The following CD96 variants were observed in gnomAD, a reference collection of about 807,000 sequenced individuals.
CD96 encodes CD96 molecule, also known as T-cell surface protein tactile.
A neutral mutation model predicts 71.3 loss-of-function variants in CD96; 70 were observed. The observed-to-expected ratio is 0.98, with a 90% CI of 0.81 to 1.20. CD96 has a LOEUF of 1.20. Among genes scored for constraint, CD96 ranks in the 50% most tolerant of loss-of-function variants. The pLI, the probability that CD96 is intolerant of heterozygous loss-of-function variation, is 0.00. For synonymous variants in CD96, 248 were observed against 233.0 expected (o/e 1.06, Z -0.59); for missense variants, 742 against 677.5 (o/e 1.10, Z -1.06).
intron 14 of CD96, among the ~76,000 whole-genome samples, chr3:111,662,330 G>A (rs1940378728): frequency 1.3e-5 from 2 of 152,218 alleles, no homozygotes; most frequent in Admixed American, 6.5e-5. Flanking sequence ...ATGCCTTGGA[G>A]GCATTTTCCC....
intron 2 of CD96, among the ~76,000 whole-genome samples, chr3:111,561,865 C>G (rs62273558): frequency 1.4e-5 from 2 of 146,710 alleles, no homozygotes. Flanking sequence ...AGCGAGATTC[C>G]GTGGGCGTAG....
At position 111,650,007 on chromosome 3, in the gene CD96, A is replaced by T. The variant is rs1378441390; in HGVS notation, c.*201A>T. 1.6e-6 allele frequency: 1 copy of T among 611,560 alleles called. No individual in the cohort carries two copies. Among genetic ancestry groups the T allele is most frequent in the East Asian group, 2.9e-5 (1 of 34,292 alleles). 37.9% of individuals were successfully genotyped at this position (611,560 alleles called of 1,614,324 possible). A position where few individuals can be genotyped will look rare whatever the true frequency, so the allele number is the denominator to read the frequency against. On this transcript the variant is annotated 3_prime_UTR_variant, in exon 14 of 14. Transcript: ENST00000352690. The stretch of plus-strand genomic sequence containing the variant: ...GAAGCTTAACCAAGAGTGAGAGGAT[A>T]TGTCATGTTCACACTCAATGCAATT...
chr3:111,570,725 G>C, intron 3 of CD96: 3 of 1,613,012 alleles, frequency 1.9e-6, no homozygotes, highest in Admixed American at 3.3e-5. Context: ...AGATGGGGTT[G>C]ATCTTGTCCA....
intron 2 of CD96, among the ~76,000 whole-genome samples, chr3:111,547,055 T>G (rs1470461611): frequency 6.6e-6 from 1 of 152,110 alleles, no homozygotes; most frequent in East Asian, 1.9e-4. Flanking sequence ...TAGCCTGTAT[T>G]TGGATATTGG....
chr3:111,664,327 A>G (rs1483124936), intron 14 of CD96, among the ~76,000 whole-genome samples: 1 of 152,246 alleles, frequency 6.6e-6, no homozygotes, highest in Non-Finnish European at 1.5e-5. Context: ...CTATGCAGCC[A>G]TTAAAAAGAA....
chr3:111,603,778 C>T (rs970772414), intron 7 of CD96, among the ~76,000 whole-genome samples: 4 of 152,140 alleles, frequency 2.6e-5, no homozygotes, highest in South Asian at 2.1e-4. Flanking sequence ...TGTGTATCTT[C>T]GCATGTAGAA....
downstream of CD96, among the ~76,000 whole-genome samples, chr3:111,655,384 A>G (rs994113285): frequency 9.9e-5 from 15 of 152,208 alleles, no homozygotes; most frequent in Non-Finnish European, 1.8e-4. Context: ...TGTAAAATTT[A>G]ATGGAAGAGA....
Position 111,598,105 on chromosome 3 carries a change from C to G in CD96, c.808-15C>G. On this transcript the variant is annotated splice_polypyrimidine_tract_variant and intron_variant, in intron 5 of 13. Coordinates refer to ENST00000352690, the MANE Select transcript of CD96 (RefSeq NM_005816.5). The stretch of plus-strand genomic sequence containing the variant: ...TAGGAATTTGCAAATAATCCTTTTT[C>G]TGTCTTTACCCCAGAGAAGATTTAC... 8.8e-7 allele frequency: 1 copy of G among 1,137,808 alleles called. No individual in the cohort carries two copies. Among genetic ancestry groups the G allele is most frequent in the Non-Finnish European group, 1.3e-6 (1 of 746,172 alleles). The allele number at this position is 1,137,808 out of a possible 1,614,324, so 70.5% of individuals were successfully genotyped here.
intron 1 of CD96, among the ~76,000 whole-genome samples, chr3:111,544,669 T>C (rs1339323065): frequency 6.6e-6 from 1 of 152,234 alleles, no homozygotes; most frequent in Non-Finnish European, 1.5e-5. Context: ...TGTCGTTTTA[T>C]AACCCAAAAA....
chr3:111,639,087 CA>C lies in CD96; in HGVS notation c.1477+920del, dbSNP rs572091043. ...GCAACTCTGCAGCATGCAGAGTCTT[CA>C]TTGTGAATTTTAGCTCCAGATCAAC... is the stretch of plus-strand genomic sequence containing the variant. On this transcript the variant is annotated intron_variant, in intron 12 of 13. Transcript: ENST00000352690. Among the ~76,000 whole-genome samples, 11 of 152,318 alleles carry C rather than the reference CA, an allele frequency of 7.2e-5. No homozygotes were observed. In the South Asian group the frequency reaches 2.3e-3, roughly 32 times the overall value.
In CD96 at chr3:111,649,867, T is replaced by C. The variant is rs918279431; in HGVS notation, c.*61T>C. 41 of 1,063,552 alleles carry C rather than the reference T, an allele frequency of 3.9e-5. No homozygotes were observed. Among genetic ancestry groups the C allele is most frequent in the Non-Finnish European group, 5.9e-5 (40 of 678,724 alleles). 65.9% of individuals were successfully genotyped at this position (1,063,552 alleles called of 1,614,324 possible). On this transcript the variant is annotated 3_prime_UTR_variant, in exon 14 of 14. Coordinates refer to ENST00000352690, the MANE Select transcript of CD96 (RefSeq NM_005816.5). ...GGAATCCTATTGAGAAGGTAGACAT[T>C]GTGCTTTATTAATATAGTCGCTCTT...
At chr3:111,580,070 T>C (rs575126487) in intron 4 of CD96, among the ~76,000 whole-genome samples, 8 of 152,196 alleles carry the variant, frequency 5.3e-5, no homozygotes, top group African/African-American at 1.2e-4. Flanking sequence ...GTGATAAATA[T>C]AGCCCCAGAG....
chr3:111,646,851 G>A (rs773188757), intron 12 of CD96, among the ~76,000 whole-genome samples: 7 of 151,920 alleles, frequency 4.6e-5, no homozygotes, highest in African/African-American at 7.2e-5. Flanking sequence ...TAAAGAAAAC[G>A]TGGTACATAT....
At chr3:111,629,291 G>A (rs1938940512) in intron 10 of CD96, among the ~76,000 whole-genome samples, 1 of 152,054 alleles carries the variant, frequency 6.6e-6, no homozygotes, top group African/African-American at 2.4e-5. Flanking sequence ...AAGACACACA[G>A]AGGCTCAAAA....
At position 111,614,255 on chromosome 3, in the gene CD96, T is replaced by A. The variant is rs554234136; in HGVS notation, c.1180+7463T>A. ...GGGGGTAGGGAAGAGACAGGGAATG[T>A]CTCTGATTCCCTGACTTGGCTTCAT... is the stretch of plus-strand genomic sequence containing the variant. On this transcript the variant is annotated intron_variant, in intron 8 of 13. Coordinates refer to ENST00000352690, the MANE Select transcript of CD96 (RefSeq NM_005816.5). Among the ~76,000 whole-genome samples the A allele has an allele frequency of 2.9e-4, 44 of 152,232 alleles. 1 individual carries two copies. In the South Asian group the frequency reaches 8.9e-3, roughly 31 times the overall value.
At chr3:111,645,323 AG>A (rs1939779147) in intron 12 of CD96, among the ~76,000 whole-genome samples, 2 of 152,130 alleles carry the variant, frequency 1.3e-5, no homozygotes, top group Non-Finnish European at 2.9e-5. Context: ...CTAAGCTATG[AG>A]GACGCAAAGA....
At chr3:111,617,112 G>T (rs994285999) in intron 8 of CD96, among the ~76,000 whole-genome samples, 3 of 152,228 alleles carry the variant, frequency 2.0e-5, no homozygotes, top group African/African-American at 7.2e-5. Flanking sequence ...GCGCCAAGGA[G>T]CACAGGAAGG....
At chr3:111,561,874 A>C (rs1179381641) in intron 2 of CD96, among the ~76,000 whole-genome samples, 8 of 150,924 alleles carry the variant, frequency 5.3e-5, no homozygotes, top group African/African-American at 1.9e-4. Flanking sequence ...CCGTGGGCGT[A>C]GGACCCTCCG....
exon 15 of CD96, chr3:111,665,595 A>AT (rs1940462518): frequency 6.6e-6 from 1 of 152,038 alleles, no homozygotes; most frequent in South Asian, 2.1e-4. Flanking sequence ...GAGCCCTTTG[A>AT]TTTTCCCAAA....
Sources: gnomAD v4.1 joint callset for allele counts (sites outside exome capture counted in the v4.1 genomes callset) on GRCh38, gnomAD v4.1.1 for gene constraint, MANE v1.5 for transcripts, NCBI Gene and HGNC (gene_info 2026-07-23, HGNC 2026-07-21) for gene names.